The following EPHB1 variants were observed in gnomAD, a reference collection of about 807,000 sequenced individuals.
EPHB1 encodes the protein EPH receptor B1, also known as ephrin type-B receptor 1.
In EPHB1, 30 loss-of-function variants were observed where a neutral mutation model predicts 94.4. That is an observed-to-expected ratio of 0.32 (90% confidence interval 0.24 to 0.43). The LOEUF (loss-of-function observed/expected upper bound fraction) is 0.43. Among genes scored for constraint, EPHB1 ranks in the 20% least tolerant of loss-of-function variants. The pLI, the probability that EPHB1 is intolerant of heterozygous loss-of-function variation, is 1.00. For missense variants in EPHB1, 1,055 were observed against 1,308.3 expected (o/e 0.81, Z 2.99); for synonymous variants, 522 against 489.1 (o/e 1.07, Z -0.89).
At chr3:135,068,192 C>T (rs768946436) in intron 3 of EPHB1, among the ~76,000 whole-genome samples, 1 of 152,106 alleles carries the variant, frequency 6.6e-6, no homozygotes, top group African/African-American at 2.4e-5. Context: ...TCTGTCTGTC[C>T]AAGACAGAGC....
chr3:134,851,675 C>T (rs915043295), intron 1 of EPHB1, among the ~76,000 whole-genome samples: 6 of 152,172 alleles, frequency 3.9e-5, no homozygotes, highest in African/African-American at 7.2e-5. Context: ...GGCCATTTTC[C>T]GCTGCCTGAC....
intron 3 of EPHB1, among the ~76,000 whole-genome samples, chr3:134,969,816 T>C (rs1201487045): frequency 6.6e-6 from 1 of 152,092 alleles, no homozygotes. Flanking sequence ...TGAGATGAGG[T>C]CTTAAAGTGG....
chr3:135,027,402 T>G (rs1178900059), intron 3 of EPHB1, among the ~76,000 whole-genome samples: 1 of 145,998 alleles, frequency 6.8e-6, no homozygotes, highest in Non-Finnish European at 1.5e-5. Flanking sequence ...AATACCTAAT[T>G]TATTGAGAGT....
chr3:134,796,203 G>A (rs995322501), intron 1 of EPHB1: 49 of 164,452 alleles, frequency 3.0e-4, no homozygotes, highest in Non-Finnish European at 3.6e-4. Context: ...CACTGCGCGC[G>A]GGGGCCGGAG....
intron 1 of EPHB1, among the ~76,000 whole-genome samples, chr3:134,858,154 A>G (rs1443339402): frequency 1.2e-5 from 1 of 80,800 alleles, no homozygotes; most frequent in East Asian, 2.9e-4. Flanking sequence ...TTGTTCCATC[A>G]TCATCATCAT....
At chr3:135,019,970 G>T (rs1457236722) in intron 3 of EPHB1, among the ~76,000 whole-genome samples, 1 of 152,194 alleles carries the variant, frequency 6.6e-6, no homozygotes, top group African/African-American at 2.4e-5. Context: ...CCAAGGTATT[G>T]GTCTCCAGAT....
At chr3:135,115,982 G>A (rs548233050) in intron 4 of EPHB1, among the ~76,000 whole-genome samples, 1 of 152,238 alleles carries the variant, frequency 6.6e-6, no homozygotes, top group Non-Finnish European at 1.5e-5. Flanking sequence ...TTGGGAGGCC[G>A]AGGCGGGTGG....
At chr3:135,204,881 C>CTTTTTTTTTTTT (rs71624063) in intron 12 of EPHB1, among the ~76,000 whole-genome samples, 1 of 73,910 alleles carries the variant, frequency 1.4e-5, no homozygotes, top group Non-Finnish European at 2.3e-5. Flanking sequence ...AGGTTTTATT[C>CTTTTTTTTTTTT]TTTTTTTTTT....
Position 134,951,649 on chromosome 3 carries a change from C to T in EPHB1, c.402C>T (p.Tyr134=), listed in dbSNP as rs748150070. Residue 134 remains tyrosine, a synonymous_variant, in exon 3 of 16, where the codon TAC becomes TAT. Coordinates refer to ENST00000398015, the MANE Select transcript of EPHB1 (RefSeq NM_004441.5). The surrounding 1 kb of genome is among the most constrained non-coding windows in gnomAD (Gnocchi z 4.5). Reference sequence around the variant, plus strand: ...CAGCCTTCTGGTCTGAGGCCCCCTACCTCAAAGTAGACACCATTGCTGCAG... The same window carrying T: ...CAGCCTTCTGGTCTGAGGCCCCCTATCTCAAAGTAGACACCATTGCTGCAG... ...KKSAFWSEAP[Y]LKVDTIAADE... is the part of the protein sequence containing the mutation. 9 of 1,614,024 alleles carry T rather than the reference C, an allele frequency of 5.6e-6. No individual in the cohort carries two copies. In the South Asian group the frequency reaches 7.7e-5, roughly 14 times the overall value.
intron 3 of EPHB1, among the ~76,000 whole-genome samples, chr3:135,057,645 C>T (rs997578923): frequency 1.3e-5 from 2 of 152,180 alleles, no homozygotes; most frequent in Admixed American, 1.3e-4. Flanking sequence ...TTTGCAGGTT[C>T]TCTGAGTATG....
chr3:134,962,568 G>T (rs1354841787), intron 3 of EPHB1, among the ~76,000 whole-genome samples: 1 of 152,170 alleles, frequency 6.6e-6, no homozygotes, highest in South Asian at 2.1e-4. Context: ...TGCCTGGTTT[G>T]CTAAGAAACA....
intron 3 of EPHB1, among the ~76,000 whole-genome samples, chr3:135,089,232 C>T (rs990516677): frequency 5.9e-5 from 9 of 152,210 alleles, no homozygotes; most frequent in African/African-American, 2.2e-4. Flanking sequence ...AGTCAGCAGC[C>T]TGCATTCAAT....
At chr3:135,156,845 A>T (rs1021797100) in intron 6 of EPHB1, among the ~76,000 whole-genome samples, 1 of 152,220 alleles carries the variant, frequency 6.6e-6, no homozygotes, top group Non-Finnish European at 1.5e-5. Context: ...ATATTTTGGA[A>T]CAATGTGTTT....
intron 12 of EPHB1, among the ~76,000 whole-genome samples, chr3:135,239,496 T>C (rs1943730110): frequency 6.6e-6 from 1 of 152,146 alleles, no homozygotes; most frequent in Non-Finnish European, 1.5e-5. Flanking sequence ...AGCCAGTGGC[T>C]TCATGTTCCA....
chr3:135,021,066 TTTCTAA>T (rs1484573743), intron 3 of EPHB1, among the ~76,000 whole-genome samples: 2 of 152,220 alleles, frequency 1.3e-5, no homozygotes, highest in African/African-American at 2.4e-5. Flanking sequence ...AGTGTTGTAT[TTTCTAA>T]TTCTAACAGT....
At chr3:135,079,987 G>C (rs1267167627) in intron 3 of EPHB1, among the ~76,000 whole-genome samples, 2 of 152,200 alleles carry the variant, frequency 1.3e-5, no homozygotes, top group Non-Finnish European at 2.9e-5. Flanking sequence ...AGGTGTGACA[G>C]TGCATCTCTG....
At chr3:134,834,774 A>G (rs977251473) in intron 1 of EPHB1, among the ~76,000 whole-genome samples, 14 of 152,206 alleles carry the variant, frequency 9.2e-5, no homozygotes, top group African/African-American at 3.4e-4. Flanking sequence ...ATGAGCAGCT[A>G]TGCCATCAGA....
chr3:134,939,469 C>CA (rs2039075161), intron 2 of EPHB1, among the ~76,000 whole-genome samples: 1 of 152,188 alleles, frequency 6.6e-6, no homozygotes, highest in Admixed American at 6.5e-5. Context: ...TCACAGCCCT[C>CA]AGGGGAGCCT....
At chr3:134,962,572 A>T (rs1233963521) in intron 3 of EPHB1, among the ~76,000 whole-genome samples, 2 of 152,160 alleles carry the variant, frequency 1.3e-5, no homozygotes, top group African/African-American at 4.8e-5. Context: ...TGGTTTGCTA[A>T]GAAACACACT....
Sources: gnomAD v4.1 joint callset for allele counts (sites outside exome capture counted in the v4.1 genomes callset) on GRCh38, gnomAD v4.1.1 for gene constraint, Gnocchi (gnomAD v3.1) non-coding constraint, MANE v1.5 for transcripts, NCBI Gene and HGNC (gene_info 2026-07-23, HGNC 2026-07-21) for gene names.